Variants in SH3RF2 observed in about 807,000 individuals in gnomAD.
SH3RF2 encodes SH3 domain containing ring finger 2.
In SH3RF2, 43 loss-of-function variants were observed where a neutral mutation model predicts 59.0. The ratio of observed to expected loss-of-function variants is 0.73; its 90% confidence interval spans 0.57 to 0.94. The LOEUF (loss-of-function observed/expected upper bound fraction) is 0.94. Among genes scored for constraint, SH3RF2 ranks in the 40% least tolerant of loss-of-function variants. The pLI is 0.00. For synonymous variants in SH3RF2, 391 were observed against 391.5 expected, an observed-to-expected ratio of 1.00 and a Z score of 0.01; for missense variants, 930 against 940.1, an observed-to-expected ratio of 0.99 and a Z score of 0.14.
chr5:146,060,519 T>C lies in SH3RF2; in HGVS notation c.1914+295T>C, dbSNP rs10477296. Among the ~76,000 whole-genome samples the C allele has an allele frequency of 8.7e-3, 1,321 of 152,300 alleles. 17 individuals carry two copies. Among genetic ancestry groups the C allele is most frequent in the African/African-American group, 0.03 (1,238 of 41,576 alleles). On this transcript the variant is annotated intron_variant, in intron 9 of 9. Coordinates refer to ENST00000359120, the MANE Select transcript of SH3RF2 (RefSeq NM_152550.4). ...AAAAAAGCATGACTTTGGCATTAGATGAATCTTGCTTTGAATTCTAGCTTT... is the reference window on the plus strand; with the variant it reads ...AAAAAAGCATGACTTTGGCATTAGACGAATCTTGCTTTGAATTCTAGCTTT...
In SH3RF2 at chr5:146,044,340, A is replaced by G. The variant is rs536159846; in HGVS notation, c.1060-3432A>G. Among the ~76,000 whole-genome samples the G allele has an allele frequency of 4.6e-5, 7 of 152,104 alleles. No homozygotes were observed. The East Asian group carries it at 9.7e-4, about 21-fold the overall frequency. ...TAATTTTTGTATGTTTAGTAGAGACAGGGTTTCACCATGTTGGTCAGGCTA... is the reference window on the plus strand; with the variant it reads ...TAATTTTTGTATGTTTAGTAGAGACGGGGTTTCACCATGTTGGTCAGGCTA... On this transcript the variant is annotated intron_variant, in intron 5 of 9. Coordinates refer to ENST00000359120, the MANE Select transcript of SH3RF2 (RefSeq NM_152550.4).
At chr5:145,989,165 C>T (rs1045084344) in intron 2 of SH3RF2, among the ~76,000 whole-genome samples, 1 of 152,148 alleles carries the variant, frequency 6.6e-6, no homozygotes, top group Non-Finnish European at 1.5e-5. Flanking sequence ...TTCTGAAAAG[C>T]GAGTCAGCAA....
chr5:145,991,147 C>A (rs888243668), intron 2 of SH3RF2, among the ~76,000 whole-genome samples: 6 of 152,140 alleles, frequency 3.9e-5, no homozygotes, highest in African/African-American at 1.4e-4. Context: ...AGGTGGATGG[C>A]AGACAATAAG....
intron 2 of SH3RF2, among the ~76,000 whole-genome samples, chr5:145,990,833 G>A (rs780509613): frequency 6.6e-5 from 10 of 152,128 alleles, no homozygotes; most frequent in Non-Finnish European, 1.0e-4. Context: ...GTGCCTTCTC[G>A]CCCCTGCATC....
At chr5:145,990,735 T>C (rs1195674778) in intron 2 of SH3RF2, among the ~76,000 whole-genome samples, 3 of 152,146 alleles carry the variant, frequency 2.0e-5, no homozygotes, top group Admixed American at 6.5e-5. Context: ...TTTTTAAATA[T>C]CAGAAAAGGA....
downstream of SH3RF2, among the ~76,000 whole-genome samples, chr5:146,065,540 T>C (rs1763082612): frequency 6.6e-6 from 1 of 152,186 alleles, no homozygotes; most frequent in South Asian, 2.1e-4. Context: ...AATGGAGATG[T>C]CCATGCCTTC....
intron 2 of SH3RF2, among the ~76,000 whole-genome samples, chr5:145,939,926 A>G (rs1433098907): frequency 2.0e-5 from 3 of 152,076 alleles, no homozygotes; most frequent in Non-Finnish European, 4.4e-5. Flanking sequence ...AGCTTGGAAT[A>G]TTTTTGTTGT....
intron 5 of SH3RF2, among the ~76,000 whole-genome samples, chr5:146,041,429 G>A (rs1486447122): frequency 6.6e-6 from 1 of 152,208 alleles, no homozygotes; most frequent in Non-Finnish European, 1.5e-5. Context: ...GGAGCCCTGC[G>A]TGTCCTGCTT....
At chr5:145,968,201 A>G (rs747311351) in intron 2 of SH3RF2, among the ~76,000 whole-genome samples, 2 of 152,262 alleles carry the variant, frequency 1.3e-5, no homozygotes, top group Non-Finnish European at 2.9e-5. Flanking sequence ...TAATAATGTC[A>G]CTGTGAAATA....
At chr5:145,976,406 T>C (rs191910158) in intron 2 of SH3RF2, among the ~76,000 whole-genome samples, 1 of 152,002 alleles carries the variant, frequency 6.6e-6, no homozygotes, top group African/African-American at 2.4e-5. Context: ...AATGATGACT[T>C]TTATTAGCTA....
chr5:145,968,881 G>T (rs1019099221), intron 2 of SH3RF2, among the ~76,000 whole-genome samples: 1 of 152,176 alleles, frequency 6.6e-6, no homozygotes, highest in African/African-American at 2.4e-5. Context: ...TCACTAGGGA[G>T]TGGAATTAGA....
intron 5 of SH3RF2, among the ~76,000 whole-genome samples, chr5:146,015,050 G>GT (rs748853293): frequency 2.4e-4 from 36 of 152,076 alleles, no homozygotes; most frequent in Non-Finnish European, 4.6e-4. Context: ...GTGCTGATGT[G>GT]TTTTTTCTTT....
intron 5 of SH3RF2, among the ~76,000 whole-genome samples, chr5:146,019,890 CTTTA>C (rs1440678898): frequency 6.9e-6 from 1 of 144,826 alleles, no homozygotes; most frequent in Non-Finnish European, 1.5e-5. Flanking sequence ...GGATTGAGTT[CTTTA>C]TTTGATTCTC....
intron 2 of SH3RF2, among the ~76,000 whole-genome samples, chr5:145,989,828 G>T (rs1759868510): frequency 6.6e-6 from 1 of 152,066 alleles, no homozygotes; most frequent in African/African-American, 2.4e-5. Flanking sequence ...GTGTCACTGT[G>T]GTTGATTCTA....
intron 7 of SH3RF2, chr5:146,055,715 T>C (rs1003325408): frequency 2.6e-5 from 13 of 502,674 alleles, no homozygotes; most frequent in African/African-American, 2.1e-4. Context: ...AAGGATGAAA[T>C]TCAAGTCTTC....
At chr5:146,050,955 C>T (rs769963037) in intron 7 of SH3RF2, among the ~76,000 whole-genome samples, 13 of 152,304 alleles carry the variant, frequency 8.5e-5, no homozygotes, top group Admixed American at 2.6e-4. Flanking sequence ...CTGTAGTAGT[C>T]CAGGTGCAGT....
At chr5:145,963,978 G>A (rs1368401744) in intron 2 of SH3RF2, among the ~76,000 whole-genome samples, 2 of 151,656 alleles carry the variant, frequency 1.3e-5, no homozygotes, top group South Asian at 4.2e-4. Context: ...GACTACAGGC[G>A]CCCGCCACCG....
intron 5 of SH3RF2, among the ~76,000 whole-genome samples, chr5:146,019,535 A>G (rs1362998625): frequency 6.6e-6 from 1 of 152,200 alleles, no homozygotes; most frequent in Non-Finnish European, 1.5e-5. Flanking sequence ...ATCTGAAGTC[A>G]GGTAATGTGA....
rs374034178 is a variant in SH3RF2 at position 145,976,597 on chromosome 5, T to C, written c.379-23461T>C. Among the ~76,000 whole-genome samples, 12 of 152,332 alleles carry C rather than the reference T, an allele frequency of 7.9e-5. No individual in the cohort carries two copies. The South Asian group carries it at 2.5e-3, about 32-fold the overall frequency. On this transcript the variant is annotated intron_variant, in intron 2 of 9. Coordinates refer to ENST00000359120, the MANE Select transcript of SH3RF2 (RefSeq NM_152550.4). The stretch of plus-strand genomic sequence containing the variant: ...CTGATTAGGAATTTGAATAATCTAG[T>C]TCTAACTAGAAAAGTCAAGAAAAAC...
Sources: gnomAD v4.1 joint callset for allele counts (sites outside exome capture counted in the v4.1 genomes callset) on GRCh38, gnomAD v4.1.1 for gene constraint, MANE v1.5 for transcripts, NCBI Gene and HGNC (gene_info 2026-07-23, HGNC 2026-07-21) for gene names.